The following CYP2C18 variants were observed in gnomAD, a reference collection of about 807,000 sequenced individuals.
CYP2C18 encodes cytochrome P450 family 2 subfamily C member 18.
In CYP2C18, 38 loss-of-function variants were observed where a neutral mutation model predicts 41.3. The observed-to-expected ratio is 0.92, with a 90% CI of 0.71 to 1.21. CYP2C18 has a LOEUF of 1.21. CYP2C18 is among the 50% of genes most tolerant of loss of function. The pLI is 0.00. For missense variants in CYP2C18, 635 were observed against 591.4 expected, an observed-to-expected ratio of 1.07 and a Z score of -0.77; for synonymous variants, 236 against 210.0, an observed-to-expected ratio of 1.12 and a Z score of -1.07.
chr10:94,716,708 A>C (rs1358778513), intron 5 of CYP2C18, among the ~76,000 whole-genome samples: 3 of 152,178 alleles, frequency 2.0e-5, no homozygotes, highest in African/African-American at 4.8e-5. Flanking sequence ...TGCTTGGTGC[A>C]GAGCTGAGTT....
intron 4 of CYP2C18, among the ~76,000 whole-genome samples, chr10:94,703,832 G>A (rs1425571777): frequency 6.6e-6 from 1 of 152,188 alleles, no homozygotes; most frequent in Non-Finnish European, 1.5e-5. Context: ...TGGCCACCCA[G>A]TTTTGTGCTT....
At chr10:94,702,166 A>AT (rs1464808463) in intron 4 of CYP2C18, among the ~76,000 whole-genome samples, 3 of 151,530 alleles carry the variant, frequency 2.0e-5, no homozygotes, top group Non-Finnish European at 4.4e-5. Context: ...TGCCCTCAAT[A>AT]TTTTTTCCGT....
rs1339816217 is a variant in CYP2C18 at position 94,720,448 on chromosome 10, T to G, written c.872T>G (p.Val291Gly). 6.2e-7 allele frequency: 1 copy of G among 1,612,856 alleles called. No homozygotes were observed. The highest frequency in any genetic ancestry group is 8.5e-7 in the Non-Finnish European group (1 of 1,179,222). Reference protein sequence around the residue: ...EFTVESLIATVTDMFGAGTET... With the variant: ...EFTVESLIATGTDMFGAGTET... Reference sequence around the variant, plus strand: ...ACTGTTGAAAGCTTGATAGCCACTGTAACTGATATGTTTGGGGCTGGAACA... The same window carrying G: ...ACTGTTGAAAGCTTGATAGCCACTGGAACTGATATGTTTGGGGCTGGAACA... Residue 291 changes from valine (V) to glycine (G), a missense_variant, in exon 6 of 9, where the codon GTA becomes GGA. Physicochemically the swap from Val to Gly is moderately radical, Grantham distance 109 (BLOSUM62 -3). Transcript: ENST00000285979.
At chr10:94,701,306 C>A (rs1847239229) in intron 4 of CYP2C18, among the ~76,000 whole-genome samples, 1 of 152,148 alleles carries the variant, frequency 6.6e-6, no homozygotes, top group African/African-American at 2.4e-5. Flanking sequence ...ATGATGAGTT[C>A]ATGTCCTTTG....
At chr10:94,696,181 G>C (rs143246950) in intron 4 of CYP2C18, among the ~76,000 whole-genome samples, 1 of 152,276 alleles carries the variant, frequency 6.6e-6, no homozygotes, top group Non-Finnish European at 1.5e-5. Flanking sequence ...GACAGACTGC[G>C]TCTTAAGTGG....
At chr10:94,734,419 T>G (rs1018877534) in intron 8 of CYP2C18, among the ~76,000 whole-genome samples, 2 of 152,152 alleles carry the variant, frequency 1.3e-5, no homozygotes, top group Non-Finnish European at 2.9e-5. Context: ...TTTAGCAAGA[T>G]AGAAAAGTAA....
intron 5 of CYP2C18, among the ~76,000 whole-genome samples, chr10:94,715,253 G>C (rs998919243): frequency 6.6e-6 from 1 of 152,162 alleles, no homozygotes. Flanking sequence ...TCCCTGTCTT[G>C]TGCCAGTTTT....
intron 3 of CYP2C18, among the ~76,000 whole-genome samples, chr10:94,693,729 C>T (rs905367610): frequency 5.3e-5 from 8 of 152,200 alleles, no homozygotes; most frequent in African/African-American, 1.9e-4. Flanking sequence ...GAGCAGTTAA[C>T]TAAACAGGGT....
chr10:94,712,008 A>ATT lies in CYP2C18; in HGVS notation c.819+5067_819+5068dup, dbSNP rs35672164. On this transcript the variant is annotated intron_variant, in intron 5 of 8. Coordinates refer to ENST00000285979, the MANE Select transcript of CYP2C18 (RefSeq NM_000772.3). The stretch of plus-strand genomic sequence containing the variant: ...AGGTGCATGCCACCATGCCCAACTA[A>ATT]TTTTTTTTTTTTTTTTTTTTGTAGA... 1.3e-3 allele frequency among the ~76,000 whole-genome samples: 130 copies of ATT among 97,860 alleles called. 1 individual carries two copies. The highest frequency in any genetic ancestry group is 3.8e-3 in the African/African-American group (88 of 23,352). The allele number at this position is 97,860 out of a possible 152,430, so 64.2% of individuals were successfully genotyped here.
At chr10:94,732,686 C>G (rs1321478196) in intron 7 of CYP2C18, among the ~76,000 whole-genome samples, 1 of 151,946 alleles carries the variant, frequency 6.6e-6, no homozygotes, top group Non-Finnish European at 1.5e-5. Flanking sequence ...ATAGATGCAG[C>G]TGGAGTGAAT....
chr10:94,713,102 TTTTTAA>T (rs900475464), intron 5 of CYP2C18, among the ~76,000 whole-genome samples: 13 of 152,240 alleles, frequency 8.5e-5, no homozygotes, highest in East Asian at 3.9e-4. Flanking sequence ...GTGTATATAG[TTTTTAA>T]TTTTAATTTT....
chr10:94,721,675 T>A (rs763689259), intron 6 of CYP2C18, among the ~76,000 whole-genome samples: 4 of 152,148 alleles, frequency 2.6e-5, no homozygotes, highest in Non-Finnish European at 5.9e-5. Context: ...TGTGTACCCA[T>A]TGTTTAGCTC....
At chr10:94,692,004 A>AT (rs1847009457) in intron 3 of CYP2C18, among the ~76,000 whole-genome samples, 2 of 152,164 alleles carry the variant, frequency 1.3e-5, no homozygotes, top group Non-Finnish European at 2.9e-5. Flanking sequence ...CCTTCCTTAC[A>AT]CTTGATACAA....
At chr10:94,715,795 G>A (rs1473671935) in intron 5 of CYP2C18, among the ~76,000 whole-genome samples, 1 of 151,362 alleles carries the variant, frequency 6.6e-6, no homozygotes, top group Non-Finnish European at 1.5e-5. Flanking sequence ...GAATTTGGCT[G>A]TGAATCCATC....
In CYP2C18 at chr10:94,724,415, AC is replaced by A; in HGVS notation, c.1032del (p.His344GlnfsTer27). 1 of 1,613,686 alleles carries A rather than the reference AC, an allele frequency of 6.2e-7. No homozygotes were observed. ...AGCCCCTGTATGCAGGACAGGAGTCACATGCCCTACACAGATGCTGTGGTGC... is the reference window on the plus strand; with the variant it reads ...AGCCCCTGTATGCAGGACAGGAGTCAATGCCCTACACAGATGCTGTGGTGC... ...NRSPCMQDRS[H>X]MPYTDAVVHE... On this transcript the variant is annotated frameshift_variant, in exon 7 of 9. Transcript: ENST00000285979. LOFTEE classifies it high-confidence loss of function.
chr10:94,703,690 G>A lies in CYP2C18; in HGVS notation c.643-3094G>A, dbSNP rs550261567. ...CTGGGCCCCATGAGGGTGGGATCCT[G>A]TGAGCTAGACCACTTGGCTCCCTGG... On this transcript the variant is annotated intron_variant, in intron 4 of 8. Transcript: ENST00000285979. Among the ~76,000 whole-genome samples, 8 of 152,322 alleles carry A rather than the reference G, an allele frequency of 5.3e-5. 1 individual carries two copies. Among genetic ancestry groups the A allele is most frequent in the Admixed American group, 2.6e-4 (4 of 15,294 alleles).
chr10:94,727,736 A>G (rs1254447122), intron 7 of CYP2C18, among the ~76,000 whole-genome samples: 1 of 152,182 alleles, frequency 6.6e-6, no homozygotes, highest in Non-Finnish European at 1.5e-5. Context: ...ATGTAGCATA[A>G]TATCTTTCTA....
intron 3 of CYP2C18, among the ~76,000 whole-genome samples, chr10:94,693,639 C>T (rs931188461): frequency 6.6e-6 from 1 of 152,190 alleles, no homozygotes; most frequent in Non-Finnish European, 1.5e-5. Flanking sequence ...AAATTATCCC[C>T]TGCCTTCCAG....
chr10:94,720,371 A>G, intron 5 of CYP2C18, 25 bp from the exon 6 acceptor site: 1 of 1,562,184 alleles, frequency 6.4e-7, no homozygotes, highest in Non-Finnish European at 8.7e-7. Flanking sequence ...CTACCAAATA[A>G]TTAAATTATG....
Sources: allele counts gnomAD v4.1 joint callset (sites outside exome capture counted in the v4.1 genomes callset), GRCh38; gene constraint gnomAD v4.1.1; transcripts MANE v1.5; gene names NCBI Gene and HGNC (gene_info 2026-07-23, HGNC 2026-07-21).